ALAS2: variants seen among roughly 807,000 people sequenced by gnomAD.
ALAS2 encodes 5-aminolevulinate synthase, erythroid-specific, mitochondrial.
ALAS2 carries 3 observed loss-of-function variants against 33.7 expected under a neutral mutation model. That is an observed-to-expected ratio of 0.09 (90% confidence interval 0.04 to 0.23). ALAS2 has a LOEUF of 0.23. ALAS2 is among the 10% of genes least tolerant of loss of function. The probability of loss-of-function intolerance (pLI) is 1.00; values close to 1 mark genes in which losing one functional copy is unlikely to be tolerated. For missense variants in ALAS2, 304 were observed against 475.1 expected (o/e 0.64, Z 3.35); for synonymous variants, 191 against 177.3 (o/e 1.08, Z -0.61).
chrX:55,017,755 C>A, intron 6 of ALAS2, 90 bp from the exon 7 acceptor site: 2 of 938,998 alleles, frequency 2.1e-6, no homozygotes, highest in Non-Finnish European at 3.1e-6. Context: ...AAGGGCCAAC[C>A]CTTTCTTCCC....
intron 3 of ALAS2, 76 bp from the exon 4 acceptor site, chrX:55,023,943 T>A: frequency 1.2e-6 from 1 of 827,093 alleles, no homozygotes; most frequent in South Asian, 2.2e-5. Context: ...CTCTTTAAGC[T>A]CAATGCAACA....
intron 10 of ALAS2, among the ~76,000 whole-genome samples, chrX:55,012,809 A>G (rs1935624655): frequency 8.9e-6 from 1 of 111,813 alleles, no homozygotes; most frequent in African/African-American, 3.3e-5. Flanking sequence ...ACAAAAACAA[A>G]AACAAACAAA....
intron 1 of ALAS2, among the ~76,000 whole-genome samples, chrX:55,028,038 A>G (rs1424506214): frequency 1.8e-5 from 2 of 111,705 alleles, no homozygotes; most frequent in African/African-American, 6.5e-5. Context: ...CCCTCTCTGG[A>G]TCTTGGCCTT....
chrX:55,030,935 C>A lies in ALAS2; in HGVS notation c.-16+7G>T, dbSNP rs1438170563. The A allele has an allele frequency of 2.9e-6, 1 of 340,477 alleles. No homozygotes were observed. The highest frequency in any genetic ancestry group is 5.9e-6 in the Non-Finnish European group (1 of 169,715). 28.1% of individuals were successfully genotyped at this position (340,477 alleles called of 1,213,427 possible). A position where few individuals can be genotyped will look rare whatever the true frequency, so the allele number is the denominator to read the frequency against. ...AGATAGGGTGCCAGGCTGAAAGCAG[C>A]TCTTACCTGTTGCCCTGCACTGAGG... is the stretch of plus-strand genomic sequence containing the variant. On this transcript the variant is annotated splice_region_variant and intron_variant, in intron 1 of 10. Coordinates refer to ENST00000650242, the MANE Select transcript of ALAS2 (RefSeq NM_000032.5).
At chrX:55,027,964 G>A (rs780411719) in intron 1 of ALAS2, 6 of 475,358 alleles carry the variant, frequency 1.3e-5, no homozygotes, top group South Asian at 1.2e-4. Flanking sequence ...ATAAATGTTA[G>A]CTTTTCTTAT....
chrX:55,014,123 T>G (rs1027697575), intron 9 of ALAS2, among the ~76,000 whole-genome samples: 2 of 111,995 alleles, frequency 1.8e-5, no homozygotes, highest in Non-Finnish European at 3.8e-5. Context: ...TTCCCTGCCC[T>G]GGCTTACTGA....
intron 1 of ALAS2, 26 bp from the exon 2 acceptor site, chrX:55,026,041 G>A: frequency 1.7e-6 from 2 of 1,181,575 alleles, no homozygotes; most frequent in Non-Finnish European, 2.3e-6. Flanking sequence ...AAGAGATGAG[G>A]TTCCATCATG....
chrX:55,009,290 C>G lies in ALAS2; in HGVS notation c.1654G>C (p.Val552Leu), dbSNP rs777143293. The G allele has an allele frequency of 1.7e-6, 2 of 1,205,352 alleles. No homozygotes were observed. Among genetic ancestry groups the G allele is most frequent in the East Asian group, 5.9e-5 (2 of 33,690 alleles). Residue 552 changes from valine (V) to leucine (L), a missense_variant, in exon 11 of 11, where the codon GTG (valine) becomes CTG (leucine). Physicochemically the swap from Val to Leu is conservative, Grantham distance 32. This residue lies in a region of ALAS2 where 95 missense variants were observed against 127.0 expected (regional missense o/e 0.75). Coordinates refer to ENST00000650242, the MANE Select transcript of ALAS2 (RefSeq NM_000032.5). ...CGGCGACAGAAATTGCAGGCAGCCA[C>G]AGACACATCCTGGAGGGGCAGCCCC... The part of the protein sequence containing the change: ...AVGLPLQDVS[V>L]AACNFCRRPV...
At chrX:55,024,905 T>A in intron 2 of ALAS2, 65 bp from the exon 3 acceptor site, 1 of 1,170,844 alleles carries the variant, frequency 8.5e-7, no homozygotes, top group Non-Finnish European at 1.2e-6. Flanking sequence ...CAACAATAAT[T>A]GCTGAGATCT....
In ALAS2 at chrX:55,020,435, A is replaced by G. The variant is rs762029024; in HGVS notation, c.708T>C (p.His236=). 1.8e-5 allele frequency: 21 copies of G among 1,192,105 alleles called. No individual in the cohort carries two copies. The East Asian group carries it at 2.4e-4, about 14-fold the overall frequency. ...TRNISGTSKF[H]VELEQELAEL... ...CAGCCAGCTCCTGCTCAAGCTCCAC[A>G]TGAAACTTACTGGTGCCTGAGATGT... The change falls in exon 6 of 11, where the codon CAT becomes CAC. Residue 236 remains histidine, a synonymous_variant. Transcript: ENST00000650242.
intron 1 of ALAS2, among the ~76,000 whole-genome samples, chrX:55,026,683 C>T (rs1037100042): frequency 8.9e-6 from 1 of 111,780 alleles, no homozygotes; most frequent in Admixed American, 9.5e-5. Flanking sequence ...AAAGCAAGTC[C>T]CAGTGGGGCT....
intron 1 of ALAS2, chrX:55,027,784 C>G: frequency 4.1e-6 from 5 of 1,211,614 alleles, no homozygotes; most frequent in Non-Finnish European, 4.5e-6. Context: ...TGTTCCATCC[C>G]AGAGCAACCT....
chrX:55,016,213 T>C (rs1935703135), intron 7 of ALAS2, among the ~76,000 whole-genome samples: 1 of 110,853 alleles, frequency 9.0e-6, no homozygotes, highest in East Asian at 2.8e-4. Flanking sequence ...AAATAACTAT[T>C]TATTTGCAAA....
chrX:55,009,721 C>G (rs1935569298), intron 10 of ALAS2, among the ~76,000 whole-genome samples: 1 of 110,849 alleles, frequency 9.0e-6, no homozygotes, highest in African/African-American at 3.3e-5. Context: ...ACCAGGAAAC[C>G]TGGGGTAGGG....
chrX:55,025,253 T>C (rs1245153687), intron 2 of ALAS2, among the ~76,000 whole-genome samples: 1 of 111,862 alleles, frequency 8.9e-6, no homozygotes, highest in African/African-American at 3.3e-5. Flanking sequence ...CTTGACAGAA[T>C]AGTTGATTTA....
intron 1 of ALAS2, among the ~76,000 whole-genome samples, chrX:55,029,920 A>G (rs1268649964): frequency 1.8e-5 from 2 of 110,852 alleles, no homozygotes; most frequent in African/African-American, 6.6e-5. Flanking sequence ...GCAGACAGCC[A>G]GAAAACACTC....
At chrX:55,013,863 T>C (rs1006922401) in intron 9 of ALAS2, among the ~76,000 whole-genome samples, 8 of 110,842 alleles carry the variant, frequency 7.2e-5, no homozygotes, top group African/African-American at 2.6e-4. Flanking sequence ...GCAGAGGTGG[T>C]ACCAGGAGCC....
intron 1 of ALAS2, among the ~76,000 whole-genome samples, chrX:55,029,744 C>T (rs1307122477): frequency 8.9e-6 from 1 of 111,954 alleles, no homozygotes; most frequent in East Asian, 2.8e-4. Flanking sequence ...GCTTGCCAGG[C>T]ATCTTCTTAA....
intron 6 of ALAS2, among the ~76,000 whole-genome samples, chrX:55,020,064 G>A (rs758667695): frequency 9.0e-6 from 1 of 111,631 alleles, no homozygotes; most frequent in Non-Finnish European, 1.9e-5. Flanking sequence ...CAGTTGAGTT[G>A]GGAGGTGATG....
Sources: gnomAD v4.1 joint callset for allele counts (sites outside exome capture counted in the v4.1 genomes callset) on GRCh38, gnomAD v4.1.1 for gene constraint, gnomAD v4.1.1 regional missense constraint, MANE v1.5 for transcripts, NCBI Gene and HGNC (gene_info 2026-07-23, HGNC 2026-07-21) for gene names.